The following GUCY1A2 variants were observed in gnomAD, a reference collection of about 807,000 sequenced individuals.
The protein encoded by GUCY1A2 is guanylate cyclase 1 soluble subunit alpha 2, also known as guanylate cyclase soluble subunit alpha-2.
A neutral mutation model predicts 63.5 loss-of-function variants in GUCY1A2; 27 were observed. That is an observed-to-expected ratio of 0.43 (90% CI 0.31 to 0.59). The LOEUF is 0.59. Ranked by LOEUF, GUCY1A2 falls within the 20% of genes least tolerant of loss-of-function variation. GUCY1A2 has a pLI of 0.11. For missense variants in GUCY1A2, 768 were observed against 913.3 expected, an observed-to-expected ratio of 0.84 and a Z score of 2.05; for synonymous variants, 364 against 343.5, an observed-to-expected ratio of 1.06 and a Z score of -0.66.
At chr11:106,875,778 A>C (rs1859740264) in intron 4 of GUCY1A2, among the ~76,000 whole-genome samples, 1 of 152,114 alleles carries the variant, frequency 6.6e-6, no homozygotes, top group Non-Finnish European at 1.5e-5. Flanking sequence ...AGGATGGAGA[A>C]GGTGCCTATC....
chr11:106,768,266 G>A (rs935729041), intron 6 of GUCY1A2, among the ~76,000 whole-genome samples: 1 of 152,082 alleles, frequency 6.6e-6, no homozygotes, highest in South Asian at 2.1e-4. Flanking sequence ...GGGACTACAG[G>A]TATGCCCCCC....
rs539442375 is a variant in GUCY1A2, at chr11:106,914,000, A to G, written c.1206+25460T>C. 1.6e-3 allele frequency among the ~76,000 whole-genome samples: 234 copies of G among 148,084 alleles called. 1 individual carries two copies. Among genetic ancestry groups the G allele is most frequent in the South Asian group, 4.2e-3 (20 of 4,802 alleles). On this transcript the variant is annotated intron_variant, in intron 4 of 7. Coordinates refer to ENST00000526355, the MANE Select transcript of GUCY1A2 (RefSeq NM_000855.3). Reference sequence around the variant, plus strand: ...TAATGAAAAAGCAAAAAAAAAAAAAAAAAGAAAGAAAGAAAGAAAAAGAAA... The same window carrying G: ...TAATGAAAAAGCAAAAAAAAAAAAAGAAAGAAAGAAAGAAAGAAAAAGAAA...
chr11:106,926,860 A>G (rs1860530815), intron 4 of GUCY1A2, among the ~76,000 whole-genome samples: 1 of 151,518 alleles, frequency 6.6e-6, no homozygotes, highest in African/African-American at 2.4e-5. Flanking sequence ...ATAGTGTCCA[A>G]TGATCCCCAT....
chr11:106,839,800 AT>A (rs1483881696), intron 4 of GUCY1A2, among the ~76,000 whole-genome samples: 1 of 145,042 alleles, frequency 6.9e-6, no homozygotes, highest in Non-Finnish European at 1.5e-5. Flanking sequence ...ACAGGTGGGA[AT>A]TGAACAATGA....
At chr11:106,855,218 G>T (rs1859412658) in intron 4 of GUCY1A2, among the ~76,000 whole-genome samples, 1 of 152,090 alleles carries the variant, frequency 6.6e-6, no homozygotes, top group South Asian at 2.1e-4. Context: ...TAGGCTAAGG[G>T]CCTGTGAGTG....
chr11:106,829,323 G>C (rs982113553), intron 4 of GUCY1A2, among the ~76,000 whole-genome samples: 1 of 152,162 alleles, frequency 6.6e-6, no homozygotes, highest in African/African-American at 2.4e-5. Context: ...ATTGGGGCCT[G>C]TCTCACTCAG....
At position 106,674,550 on chromosome 11, in the gene GUCY1A2, CA is replaced by C. The variant is rs1309817916; in HGVS notation, c.*12998del. 2.2e-5 allele frequency: 4 copies of C among 181,250 alleles called. No individual in the cohort carries two copies. The highest frequency in any genetic ancestry group is 4.7e-5 in the Non-Finnish European group (4 of 85,250). The allele number at this position is 181,250 out of a possible 1,614,324, so 11.2% of individuals were successfully genotyped here. A position where few individuals can be genotyped will look rare whatever the true frequency, so the allele number is the denominator to read the frequency against. On this transcript the variant is annotated 3_prime_UTR_variant, in exon 8 of 8. Coordinates refer to ENST00000526355, the MANE Select transcript of GUCY1A2 (RefSeq NM_000855.3). ...ATGGTACAGGTTTAAGAGATGCATTCATTTTTTTAAAAAAACAAAAAATAGT... is the reference window on the plus strand; with the variant it reads ...ATGGTACAGGTTTAAGAGATGCATTCTTTTTTTAAAAAAACAAAAAATAGT...
At chr11:106,864,070 G>A (rs560343200) in intron 4 of GUCY1A2, among the ~76,000 whole-genome samples, 4 of 151,994 alleles carry the variant, frequency 2.6e-5, no homozygotes, top group Admixed American at 2.6e-4. Context: ...GTCGGGGGTT[G>A]GGAGCGATAG....
At chr11:106,804,120 G>C (rs1032508572) in intron 5 of GUCY1A2, among the ~76,000 whole-genome samples, 13 of 152,182 alleles carry the variant, frequency 8.5e-5, no homozygotes, top group African/African-American at 3.1e-4. Flanking sequence ...TGGAAGTCAT[G>C]GCTCCTTATC....
chr11:106,702,969 C>G (rs1862843256), intron 7 of GUCY1A2, among the ~76,000 whole-genome samples: 1 of 152,126 alleles, frequency 6.6e-6, no homozygotes, highest in African/African-American at 2.4e-5. Flanking sequence ...AGGAGATTAA[C>G]ATTTGAGTCA....
intron 6 of GUCY1A2, among the ~76,000 whole-genome samples, chr11:106,727,199 C>T (rs1404605662): frequency 6.6e-6 from 1 of 152,122 alleles, no homozygotes; most frequent in Non-Finnish European, 1.5e-5. Flanking sequence ...GGAGCCATTC[C>T]CATAGCAGGG....
chr11:106,935,109 T>A (rs1860657990), intron 4 of GUCY1A2, among the ~76,000 whole-genome samples: 1 of 152,136 alleles, frequency 6.6e-6, no homozygotes, highest in African/African-American at 2.4e-5. Flanking sequence ...GTGTGACAAG[T>A]GGTCTTCTAG....
rs1321195374 is a variant in GUCY1A2, at chr11:106,778,970, A to G, written c.1693-2388T>C. Among the ~76,000 whole-genome samples, 2 of 152,156 alleles carry G rather than the reference A, an allele frequency of 1.3e-5. 1 individual carries two copies. Among genetic ancestry groups the G allele is most frequent in the East Asian group, 3.9e-4 (2 of 5,188 alleles). ...AAGAATTATTATAAAATATTCTGTT[A>G]TTTTTAATATCAAAAATTAAATTTC... On this transcript the variant is annotated intron_variant, in intron 5 of 7. Coordinates refer to ENST00000526355, the MANE Select transcript of GUCY1A2 (RefSeq NM_000855.3).
intron 6 of GUCY1A2, among the ~76,000 whole-genome samples, chr11:106,751,352 G>C (rs1322056468): frequency 2.6e-5 from 4 of 152,038 alleles, no homozygotes; most frequent in Non-Finnish European, 2.9e-5. Flanking sequence ...ATATACAATA[G>C]AACTGGAAAT....
At chr11:106,863,076 A>G (rs116584833) in intron 4 of GUCY1A2, among the ~76,000 whole-genome samples, 2,006 of 152,182 alleles carry the variant, frequency 0.013, 44 homozygotes, top group African/African-American at 0.046. Context: ...AGAGATTTGT[A>G]TCGAGGCTAA....
chr11:106,904,989 T>C (rs545029999), intron 4 of GUCY1A2, among the ~76,000 whole-genome samples: 7 of 152,230 alleles, frequency 4.6e-5, no homozygotes, highest in South Asian at 2.1e-4. Flanking sequence ...AGTGACCTAA[T>C]TGAATTACAT....
At position 106,810,137 on chromosome 11, in the gene GUCY1A2, C is replaced by T; in HGVS notation, c.1548G>A (p.Lys516=). Residue 516 remains lysine (K), a synonymous_variant, in exon 5 of 8, where the codon AAG becomes AAA. Coordinates refer to ENST00000526355, the MANE Select transcript of GUCY1A2 (RefSeq NM_000855.3). ...LWQGQQVQAR[K]FDDVTMLFSD... ...AAAAGAGCATGGTGACATCATCAAA[C>T]TTTCTGGCCTGTACTTGCTGCCCTT... is the stretch of plus-strand genomic sequence containing the variant. 1 of 1,614,044 alleles carries T rather than the reference C, an allele frequency of 6.2e-7. No individual in the cohort carries two copies. The highest frequency in any genetic ancestry group is 8.5e-7 in the Non-Finnish European group (1 of 1,179,932).
intron 5 of GUCY1A2, among the ~76,000 whole-genome samples, chr11:106,802,696 C>G (rs1244117180): frequency 2.0e-5 from 3 of 152,062 alleles, no homozygotes; most frequent in Non-Finnish European, 4.4e-5. Flanking sequence ...CAGGTGAGGG[C>G]TCTCTTCCTA....
chr11:106,784,059 T>C (rs1287803211), intron 5 of GUCY1A2, among the ~76,000 whole-genome samples: 1 of 152,070 alleles, frequency 6.6e-6, no homozygotes, highest in African/African-American at 2.4e-5. Flanking sequence ...TTATTTTCCT[T>C]CATCATTTCC....
Sources: allele counts gnomAD v4.1 joint callset (sites outside exome capture counted in the v4.1 genomes callset), GRCh38; gene constraint gnomAD v4.1.1; transcripts MANE v1.5; gene names NCBI Gene and HGNC (gene_info 2026-07-23, HGNC 2026-07-21).